Variants in DNAJC6 observed in about 807,000 individuals in gnomAD.
The protein encoded by DNAJC6 is DnaJ heat shock protein family (Hsp40) member C6, also known as auxilin.
Under a neutral mutation model 110.0 loss-of-function variants are expected in DNAJC6, and 34 were observed. The ratio of observed to expected loss-of-function variants is 0.31; its 90% CI spans 0.24 to 0.41. The LOEUF (loss-of-function observed/expected upper bound fraction) is 0.41. Among genes scored for constraint, DNAJC6 ranks in the 10% least tolerant of loss-of-function variants. The pLI is 1.00. For synonymous variants in DNAJC6, 406 were observed against 437.2 expected, an observed-to-expected ratio of 0.93 and a Z score of 0.89; for missense variants, 1,031 against 1,207.8, an observed-to-expected ratio of 0.85 and a Z score of 2.17.
intron 1 of DNAJC6, among the ~76,000 whole-genome samples, chr1:65,354,886 G>T (rs183863128): frequency 6.6e-6 from 1 of 152,184 alleles, no homozygotes. Context: ...TGGACATTCT[G>T]AAGAGTATTC....
chr1:65,381,038 C>T (rs747179100), intron 5 of DNAJC6, among the ~76,000 whole-genome samples: 20 of 149,846 alleles, frequency 1.3e-4, no homozygotes, highest in Non-Finnish European at 2.4e-4. Context: ...CCTGCCTCAG[C>T]CTCCCGAGTA....
intron 12 of DNAJC6, among the ~76,000 whole-genome samples, chr1:65,393,781 C>T (rs959418990): frequency 6.6e-6 from 1 of 152,168 alleles, no homozygotes; most frequent in African/African-American, 2.4e-5. Flanking sequence ...AGAAATGTCT[C>T]AACTCTTCAG....
At position 65,413,728 on chromosome 1, in the gene DNAJC6, C is replaced by A. The variant is rs1303092817; in HGVS notation, c.*703C>A. On this transcript the variant is annotated 3_prime_UTR_variant, in exon 19 of 19. Transcript: ENST00000371069. Reference sequence around the variant, plus strand: ...CTCTGAAGATGTCGAAATCTTTATTCCTGGTTAGGAAGGTGGGCCGCTACC... The same window carrying A: ...CTCTGAAGATGTCGAAATCTTTATTACTGGTTAGGAAGGTGGGCCGCTACC... 1 of 152,132 alleles carries A rather than the reference C, an allele frequency of 6.6e-6. No homozygotes were observed. Among genetic ancestry groups the A allele is most frequent in the Admixed American group, 6.5e-5 (1 of 15,274 alleles). The allele number at this position is 152,132 out of a possible 1,614,324, so 9.4% of individuals were successfully genotyped here.
chr1:65,331,038 G>C (rs927677067), intron 1 of DNAJC6, among the ~76,000 whole-genome samples: 1 of 152,142 alleles, frequency 6.6e-6, no homozygotes. Flanking sequence ...TCACATGGTC[G>C]TACCTGGCTG....
intron 1 of DNAJC6, among the ~76,000 whole-genome samples, chr1:65,293,199 G>C (rs1285545635): frequency 2.0e-5 from 3 of 152,174 alleles, no homozygotes; most frequent in Non-Finnish European, 4.4e-5. Context: ...CAAGATAAAG[G>C]TGCTGGCAGA....
chr1:65,281,606 GT>G (rs201135715), intron 1 of DNAJC6, among the ~76,000 whole-genome samples: 9 of 149,418 alleles, frequency 6.0e-5, no homozygotes, highest in East Asian at 2.0e-4. Flanking sequence ...ATTCCTTTTA[GT>G]TTTTTTTTTG....
intron 1 of DNAJC6, among the ~76,000 whole-genome samples, chr1:65,274,249 C>G (rs1232491702): frequency 6.6e-6 from 1 of 151,974 alleles, no homozygotes; most frequent in Non-Finnish European, 1.5e-5. Context: ...TGTAGCTATA[C>G]CAACTTTCTT....
chr1:65,347,554 T>TA (rs1276296639), intron 1 of DNAJC6, among the ~76,000 whole-genome samples: 1 of 152,134 alleles, frequency 6.6e-6, no homozygotes, highest in East Asian at 1.9e-4. Context: ...ATGATATTAT[T>TA]GTGTAATGCA....
intron 1 of DNAJC6, among the ~76,000 whole-genome samples, chr1:65,319,949 G>A (rs1030930433): frequency 2.0e-5 from 3 of 152,050 alleles, no homozygotes; most frequent in African/African-American, 7.2e-5. Flanking sequence ...TCTAGTCAGT[G>A]AGTCAGCATG....
chr1:65,348,321 A>G (rs1309260852), intron 1 of DNAJC6, among the ~76,000 whole-genome samples: 1 of 152,204 alleles, frequency 6.6e-6, no homozygotes, highest in East Asian at 1.9e-4. Context: ...ATAAATGTCA[A>G]TTAGGGCAAT....
intron 1 of DNAJC6, among the ~76,000 whole-genome samples, chr1:65,356,540 G>T (rs1370172020): frequency 3.3e-5 from 5 of 151,302 alleles, no homozygotes; most frequent in African/African-American, 4.9e-5. Flanking sequence ...CTGCAGCCTA[G>T]ATAACAGAAT....
At chr1:65,295,887 C>T (rs1557503810) in intron 1 of DNAJC6, among the ~76,000 whole-genome samples, 2 of 152,182 alleles carry the variant, frequency 1.3e-5, no homozygotes, top group African/African-American at 4.8e-5. Context: ...CATGGTAATA[C>T]TCAGTAAATC....
At chr1:65,309,409 C>A, upstream of DNAJC6, 1 of 340,924 alleles carries the variant, frequency 2.9e-6, no homozygotes, top group Non-Finnish European at 4.3e-6. Context: ...TGCTTCCGGG[C>A]ACTCCTCAGC....
chr1:65,364,909 G>T, intron 2 of DNAJC6, 124 bp downstream of exon 2: 1 of 1,323,572 alleles, frequency 7.6e-7, no homozygotes, highest in Non-Finnish European at 1.0e-6. Context: ...GGGATCTGAT[G>T]AACTGAGAAA....
At chr1:65,358,178 C>CAAAAAAAAAAAA (rs11285114) in intron 1 of DNAJC6, among the ~76,000 whole-genome samples, 1 of 80,036 alleles carries the variant, frequency 1.2e-5, no homozygotes, top group African/African-American at 4.6e-5. Flanking sequence ...GACTCAGTCT[C>CAAAAAAAAAAAA]AAAAAAAAAA....
upstream of DNAJC6, chr1:65,309,538 G>T: frequency 9.1e-7 from 1 of 1,098,466 alleles, no homozygotes; most frequent in Non-Finnish European, 1.1e-6. Flanking sequence ...TCCTCCCGGC[G>T]CCCCGAGCCG....
intron 4 of DNAJC6, among the ~76,000 whole-genome samples, chr1:65,371,706 T>C (rs6693498): frequency 0.66 from 100,751 of 151,956 alleles, 34,128 homozygotes; most frequent in African/African-American, 0.82. Flanking sequence ...ATGATTTGGC[T>C]TCTTTTTCCC....
Position 65,302,115 on chromosome 1 carries a change from TATATATATAAAA to T in DNAJC6, c.-131+37185_-131+37196del, listed in dbSNP as rs1412891856. Among the ~76,000 whole-genome samples the T allele has an allele frequency of 4.7e-3, 215 of 46,130 alleles. 3 individuals carry two copies. The highest frequency in any genetic ancestry group is 0.038 in the African/African-American group (191 of 5,042). The allele number at this position is 46,130 out of a possible 152,430, so 30.3% of individuals were successfully genotyped here. A position where few individuals can be genotyped will look rare whatever the true frequency, so the allele number is the denominator to read the frequency against. ...TTATATATATAATATATAATATATA[TATATATATAAAA>T]AATATATATAATACGTATTATATAT... On this transcript the variant is annotated intron_variant, in intron 1 of 19. Transcript: ENST00000263441.
Position 65,267,530 on chromosome 1 carries a change from G to A in DNAJC6, c.-131+2598G>A, listed in dbSNP as rs546043989. Among the ~76,000 whole-genome samples, 220 of 152,004 alleles carry A rather than the reference G, an allele frequency of 1.4e-3. 2 individuals are homozygous for A. Among genetic ancestry groups the A allele is most frequent in the African/African-American group, 4.7e-3 (195 of 41,470 alleles). ...TATAGATATTTATCTTTATGCATGTGGGTATAAGCCGTATTCTGACATCAC... is the reference window on the plus strand; with the variant it reads ...TATAGATATTTATCTTTATGCATGTAGGTATAAGCCGTATTCTGACATCAC... On this transcript the variant is annotated intron_variant, in intron 1 of 19. Coordinates refer to the DNAJC6 transcript ENST00000263441.
Sources: gnomAD v4.1 joint callset for allele counts (sites outside exome capture counted in the v4.1 genomes callset) on GRCh38, gnomAD v4.1.1 for gene constraint, MANE v1.5 for transcripts, NCBI Gene and HGNC (gene_info 2026-07-23, HGNC 2026-07-21) for gene names.